The following MTPN variants were observed in gnomAD, a reference collection of about 807,000 sequenced individuals.
MTPN encodes myotrophin.
In MTPN, 2 loss-of-function variants were observed where a neutral mutation model predicts 13.5. The observed-to-expected ratio is 0.15, with a 90% CI of 0.06 to 0.47. The LOEUF (loss-of-function observed/expected upper bound fraction) is 0.47, where lower values mean the gene tolerates loss of function less well. Among genes scored for constraint, MTPN ranks in the 20% least tolerant of loss-of-function variants. The pLI is 0.97. For missense variants in MTPN, 79 were observed against 137.9 expected (o/e 0.57, Z 2.14); for synonymous variants, 46 against 51.7 (o/e 0.89, Z 0.48).
rs749653866 is a variant in MTPN, at chr7:135,927,652, T to TA, written c.*2273dup. On this transcript the variant is annotated 3_prime_UTR_variant, in exon 4 of 4. Transcript: ENST00000393085. ...AGAAATACATTATAAATAACCTAGT[T>TA]AAAAAAAGAAACTGTGAACCATCTT... The TA allele has an allele frequency of 6.5e-6, 4 of 617,706 alleles. No homozygotes were observed. Among genetic ancestry groups the TA allele is most frequent in the South Asian group, 3.1e-5 (2 of 63,606 alleles). The allele number at this position is 617,706 out of a possible 1,614,324, so 38.3% of individuals were successfully genotyped here.
intron 1 of MTPN, among the ~76,000 whole-genome samples, chr7:135,967,924 G>A (rs143684691): frequency 0.015 from 2,235 of 152,156 alleles, 32 homozygotes; most frequent in Non-Finnish European, 0.024. Context: ...CATAATGAGC[G>A]TCTATTGTAC....
At position 135,950,608 on chromosome 7, in the gene MTPN, A is replaced by C; in HGVS notation, c.261T>G (p.Leu87=). The change falls in exon 3 of 4, where the codon CTT becomes CTG. Residue 87 remains leucine, a synonymous_variant. Coordinates refer to ENST00000393085, the MANE Select transcript of MTPN (RefSeq NM_145808.4). The part of the protein sequence containing the change: ...YEGHVSCVKL[L]LSKGADKTVK... ...TAGCAATTGACCTCACCTTTGACAGAAGCAATTTCACACAGGAAACATGAC... is the reference window on the plus strand; with the variant it reads ...TAGCAATTGACCTCACCTTTGACAGCAGCAATTTCACACAGGAAACATGAC... 6.2e-7 allele frequency: 1 copy of C among 1,612,324 alleles called. No homozygotes were observed. The highest frequency in any genetic ancestry group is 8.5e-7 in the Non-Finnish European group (1 of 1,178,454).
Position 135,929,967 on chromosome 7 carries a change from C to T in MTPN, c.316G>A (p.Glu106Lys). Residue 106 changes from glutamate (E) to lysine (K), a missense_variant, in exon 4 of 4, where the codon GAA becomes AAA. Physicochemically the swap from Glu to Lys is moderately conservative, Grantham distance 56. Transcript: ENST00000393085. ...TTGATTGCCTGGTTGTCAGTGGCTTCAAAGGCGGTCAGTCCATCTGGGCCT... is the reference window on the plus strand; with the variant it reads ...TTGATTGCCTGGTTGTCAGTGGCTTTAAAGGCGGTCAGTCCATCTGGGCCT... The part of the protein sequence containing the change: ...VKGPDGLTAF[E>K]ATDNQAIKAL... 1 of 1,610,364 alleles carries T rather than the reference C, an allele frequency of 6.2e-7. No homozygotes were observed. Among genetic ancestry groups the T allele is most frequent in the Non-Finnish European group, 8.5e-7 (1 of 1,177,606 alleles).
Position 135,927,266 on chromosome 7 carries a change from A to T in MTPN, c.*2660T>A. The T allele has an allele frequency of 6.5e-7, 1 of 1,537,258 alleles. No homozygotes were observed. The highest frequency in any genetic ancestry group is 8.8e-7 in the Non-Finnish European group (1 of 1,139,782). On this transcript the variant is annotated 3_prime_UTR_variant, in exon 4 of 4. Transcript: ENST00000393085. Reference sequence around the variant, plus strand: ...TACCTACTACCTCTCTTCCATGCTTAACTGGGTTTAGAAAGGTGAGCTATG... The same window carrying T: ...TACCTACTACCTCTCTTCCATGCTTTACTGGGTTTAGAAAGGTGAGCTATG...
chr7:135,971,420 C>T (rs796606219), intron 1 of MTPN, among the ~76,000 whole-genome samples: 35 of 151,750 alleles, frequency 2.3e-4, no homozygotes, highest in Admixed American at 7.2e-4. Flanking sequence ...TACCATCCTG[C>T]TATGATTATT....
In MTPN at chr7:135,928,006, T is replaced by G; in HGVS notation, c.*1920A>C. 1 of 269,802 alleles carries G rather than the reference T, an allele frequency of 3.7e-6. No individual in the cohort carries two copies. Among genetic ancestry groups the G allele is most frequent in the Non-Finnish European group, 7.7e-6 (1 of 129,962 alleles). The allele number at this position is 269,802 out of a possible 1,614,324, so 16.7% of individuals were successfully genotyped here. On this transcript the variant is annotated 3_prime_UTR_variant, in exon 4 of 4. Transcript: ENST00000393085. Reference sequence around the variant, plus strand: ...ATGTCAAGAGGTGAAAACAAAGGTATCAAAACACCCTGTTGCACTACGTTG... The same window carrying G: ...ATGTCAAGAGGTGAAAACAAAGGTAGCAAAACACCCTGTTGCACTACGTTG...
chr7:135,969,983 G>A (rs545281536), intron 1 of MTPN, among the ~76,000 whole-genome samples: 1 of 152,320 alleles, frequency 6.6e-6, no homozygotes, highest in African/African-American at 2.4e-5. Flanking sequence ...GTCTGCCAAT[G>A]TGTGCCTAAG....
chr7:135,945,223 G>C (rs1799272726), intron 3 of MTPN, among the ~76,000 whole-genome samples: 1 of 152,090 alleles, frequency 6.6e-6, no homozygotes, highest in Non-Finnish European at 1.5e-5. Context: ...GAAGGCCTAG[G>C]ACATTACTAC....
rs1799788590 is a variant in MTPN at position 135,977,076 on chromosome 7, C to T, written c.25G>A (p.Ala9Thr). 1 of 1,614,194 alleles carries T rather than the reference C, an allele frequency of 6.2e-7. No homozygotes were observed. Among genetic ancestry groups the T allele is most frequent in the South Asian group, 1.1e-5 (1 of 91,086 alleles). Residue 9 changes from alanine (A) to threonine (T), a missense_variant, in exon 1 of 4, where the codon GCC becomes ACC. Physicochemically the swap from Ala to Thr is moderately conservative, Grantham distance 58 (BLOSUM62 0). Transcript: ENST00000393085. Reference sequence around the variant, plus strand: ...TCATCCAAGTCTCCGTTTTTCAGGGCCCACATGAACTCCTTGTCGCACATC... The same window carrying T: ...TCATCCAAGTCTCCGTTTTTCAGGGTCCACATGAACTCCTTGTCGCACATC... MCDKEFMW[A>T]LKNGDLDEVK...
intron 3 of MTPN, among the ~76,000 whole-genome samples, chr7:135,938,205 G>A (rs1206109646): frequency 6.6e-6 from 1 of 152,124 alleles, no homozygotes; most frequent in Admixed American, 6.5e-5. Flanking sequence ...CAAAACCTAT[G>A]GCTATGGAGG....
At chr7:135,950,565 T>C (rs1462171499) in intron 3 of MTPN, 34 bp downstream of exon 3, 14 of 1,495,602 alleles carry the variant, frequency 9.4e-6, no homozygotes, top group East Asian at 2.3e-5. Context: ...AACACAGTAA[T>C]AGAAAAAGCA....
chr7:135,934,561 T>A (rs1799084389), intron 3 of MTPN, among the ~76,000 whole-genome samples: 2 of 152,228 alleles, frequency 1.3e-5, no homozygotes, highest in Admixed American at 1.3e-4. Flanking sequence ...TAGGCTGCCA[T>A]GTGGACAACT....
chr7:135,974,540 C>CA (rs34209834), intron 1 of MTPN, among the ~76,000 whole-genome samples: 10 of 151,410 alleles, frequency 6.6e-5, no homozygotes, highest in South Asian at 2.1e-4. Flanking sequence ...ACCCTGTTTC[C>CA]AAAAAAAAGA....
chr7:135,964,729 T>A (rs1322961375), intron 1 of MTPN, among the ~76,000 whole-genome samples: 1 of 152,122 alleles, frequency 6.6e-6, no homozygotes, highest in African/African-American at 2.4e-5. Flanking sequence ...CACCTTTCCA[T>A]GCCTTGCTTT....
chr7:135,936,275 A>G (rs1282407667), intron 3 of MTPN, among the ~76,000 whole-genome samples: 1 of 152,232 alleles, frequency 6.6e-6, no homozygotes, highest in Non-Finnish European at 1.5e-5. Flanking sequence ...ACCTGAGGTC[A>G]GGAGTTCAAG....
chr7:135,966,465 GCT>G (rs1164598465), intron 1 of MTPN, among the ~76,000 whole-genome samples: 1 of 151,950 alleles, frequency 6.6e-6, no homozygotes, highest in African/African-American at 2.4e-5. Context: ...GACTTTGAAA[GCT>G]CTGATTTTGA....
At chr7:135,930,074 C>A in intron 3 of MTPN, 62 bp from the exon 4 acceptor site, 3 of 1,397,894 alleles carry the variant, frequency 2.1e-6, no homozygotes. Context: ...GAATGTAAGA[C>A]TAGCTCACAT....
chr7:135,977,150 G>A lies in MTPN; in HGVS notation c.-50C>T. ...GCCGGGCAGAAGATGAGGAGGCGGT[G>A]GCAGCAGCAAGCGGATGCCGCCGGG... is the stretch of plus-strand genomic sequence containing the variant. On this transcript the variant is annotated 5_prime_UTR_variant, in exon 1 of 4. Transcript: ENST00000393085. 1 of 1,596,292 alleles carries A rather than the reference G, an allele frequency of 6.3e-7. No individual in the cohort carries two copies. Among genetic ancestry groups the A allele is most frequent in the Non-Finnish European group, 8.6e-7 (1 of 1,164,786 alleles).
chr7:135,956,417 C>T (rs554953237), intron 1 of MTPN, among the ~76,000 whole-genome samples: 4 of 152,320 alleles, frequency 2.6e-5, no homozygotes, highest in East Asian at 1.9e-4. Context: ...AATATTAACA[C>T]GTTCCTTAGC....
Sources: allele counts gnomAD v4.1 joint callset (sites outside exome capture counted in the v4.1 genomes callset), GRCh38; gene constraint gnomAD v4.1.1; transcripts MANE v1.5; gene names NCBI Gene and HGNC (gene_info 2026-07-23, HGNC 2026-07-21).